Variants in FRMD4A observed in about 807,000 individuals in gnomAD.
The protein encoded by FRMD4A is FERM domain-containing protein 4A.
Under a neutral mutation model 129.1 loss-of-function variants are expected in FRMD4A, and 29 were observed. The observed-to-expected ratio is 0.22, with a 90% CI of 0.17 to 0.31. FRMD4A has a LOEUF of 0.31. Among genes scored for constraint, FRMD4A ranks in the 10% least tolerant of loss-of-function variants. The pLI is 1.00. For synonymous variants in FRMD4A, 634 were observed against 571.6 expected, an observed-to-expected ratio of 1.11 and a Z score of -1.56; for missense variants, 1,272 against 1,375.8, an observed-to-expected ratio of 0.92 and a Z score of 1.19.
chr10:13,682,403 G>A (rs2134766066), intron 15 of FRMD4A, among the ~76,000 whole-genome samples: 1 of 152,088 alleles, frequency 6.6e-6, no homozygotes, highest in Admixed American at 6.5e-5. Flanking sequence ...GAAGGGTAAG[G>A]AAATGAGTTT....
intron 3 of FRMD4A, among the ~76,000 whole-genome samples, chr10:13,813,432 C>G (rs1027836735): frequency 6.6e-6 from 1 of 152,188 alleles, no homozygotes; most frequent in South Asian, 2.1e-4. Flanking sequence ...CAGAGCGAGA[C>G]TGTCTCAAAA....
chr10:14,166,003 T>C (rs1258702390), intron 2 of FRMD4A, among the ~76,000 whole-genome samples: 1 of 151,956 alleles, frequency 6.6e-6, no homozygotes, highest in Non-Finnish European at 1.5e-5. Flanking sequence ...CCCCTGAATC[T>C]GAAGTTAGAA....
At chr10:13,759,395 A>T (rs1416000331) in intron 8 of FRMD4A, among the ~76,000 whole-genome samples, 1 of 152,190 alleles carries the variant, frequency 6.6e-6, no homozygotes, top group Non-Finnish European at 1.5e-5. Flanking sequence ...CTGGCAATCC[A>T]TGTGGCCACA....
At chr10:13,801,061 A>T (rs1413685955) in intron 4 of FRMD4A, among the ~76,000 whole-genome samples, 1 of 152,218 alleles carries the variant, frequency 6.6e-6, no homozygotes. Flanking sequence ...ATCCTGGCCA[A>T]CATGCTGAAA....
chr10:13,972,161 A>G, intron 2 of FRMD4A: 1 of 1,049,534 alleles, frequency 9.5e-7, no homozygotes, highest in Non-Finnish European at 1.2e-6. Flanking sequence ...CAGATCAAAC[A>G]GAACTTAGGG....
At chr10:13,850,298 G>A (rs10796139) in intron 3 of FRMD4A, among the ~76,000 whole-genome samples, 74,365 of 151,656 alleles carry the variant, frequency 0.49, 18,249 homozygotes, top group East Asian at 0.61. Flanking sequence ...TTTTTTTCTA[G>A]CCCATAATAG....
chr10:13,815,888 C>A (rs1276734960), intron 3 of FRMD4A, among the ~76,000 whole-genome samples: 2 of 152,178 alleles, frequency 1.3e-5, no homozygotes, highest in Non-Finnish European at 2.9e-5. Flanking sequence ...TGGATACCAC[C>A]ATGGAAGCCT....
rs541584249 is a variant in FRMD4A at position 14,116,479 on chromosome 10, G to T, written c.45+213579C>A. Among the ~76,000 whole-genome samples, 119 of 152,206 alleles carry T rather than the reference G, an allele frequency of 7.8e-4. No homozygotes were observed. In the South Asian group the frequency reaches 9.3e-3, roughly 12 times the overall value. On this transcript the variant is annotated intron_variant, in intron 2 of 24. Coordinates refer to ENST00000357447, the MANE Select transcript of FRMD4A (RefSeq NM_018027.5). ...CTGAAAGCAGATACGGAGAGTTACC[G>T]CCAACCTTTGCTTGCCTTGGGGTCC...
chr10:14,148,650 C>A (rs1049842461), intron 2 of FRMD4A, among the ~76,000 whole-genome samples: 1 of 151,944 alleles, frequency 6.6e-6, no homozygotes, highest in African/African-American at 2.4e-5. Context: ...GTAATCCCAG[C>A]TACTCAGGAG....
At chr10:14,235,166 T>A (rs1267745391) in intron 2 of FRMD4A, among the ~76,000 whole-genome samples, 1 of 151,560 alleles carries the variant, frequency 6.6e-6, no homozygotes, top group Non-Finnish European at 1.5e-5. Context: ...TCTTTTTTTT[T>A]TGACACGGAG....
chr10:14,119,635 A>G (rs749617999), intron 2 of FRMD4A, among the ~76,000 whole-genome samples: 2 of 152,188 alleles, frequency 1.3e-5, no homozygotes, highest in Non-Finnish European at 2.9e-5. Context: ...CTGTAGCCCA[A>G]CAAATGAGAG....
intron 2 of FRMD4A, among the ~76,000 whole-genome samples, chr10:14,145,117 C>G (rs1323221691): frequency 1.3e-5 from 2 of 152,136 alleles, no homozygotes; most frequent in Non-Finnish European, 2.9e-5. Flanking sequence ...AATGGCAGAA[C>G]AAACACAGGC....
At chr10:13,972,587 T>C (rs1036106498) in intron 2 of FRMD4A, among the ~76,000 whole-genome samples, 5 of 152,186 alleles carry the variant, frequency 3.3e-5, no homozygotes, top group Admixed American at 1.3e-4. Flanking sequence ...ACCGTCTTGC[T>C]ATTTTAATGC....
chr10:13,778,049 C>CCT (rs1398548788), intron 6 of FRMD4A, among the ~76,000 whole-genome samples: 1 of 152,006 alleles, frequency 6.6e-6, no homozygotes, highest in Admixed American at 6.6e-5. Context: ...GATCCACCCG[C>CCT]CTCTGCCTCC....
intron 6 of FRMD4A, among the ~76,000 whole-genome samples, chr10:13,777,519 G>C (rs2092624421): frequency 1.3e-5 from 2 of 152,258 alleles, no homozygotes; most frequent in African/African-American, 4.8e-5. Flanking sequence ...AGAGAGGGCT[G>C]GGTTCTGGAG....
chr10:14,285,338 T>C (rs1437730669), intron 2 of FRMD4A, among the ~76,000 whole-genome samples: 1 of 152,214 alleles, frequency 6.6e-6, no homozygotes, highest in Non-Finnish European at 1.5e-5. Context: ...GGTATCAGCT[T>C]GTATTTCATA....
At chr10:13,811,136 G>GC (rs1554911856) in intron 3 of FRMD4A, among the ~76,000 whole-genome samples, 50 of 143,970 alleles carry the variant, frequency 3.5e-4, no homozygotes, top group East Asian at 6.1e-4. Context: ...TCCTAGAAGG[G>GC]TTTTTTTTTT....
At chr10:13,670,599 A>G (rs1436664632) in intron 16 of FRMD4A, 71 bp from the exon 17 acceptor site, 9 of 1,521,958 alleles carry the variant, frequency 5.9e-6, no homozygotes, top group Non-Finnish European at 7.2e-6. Flanking sequence ...TAGAACACAC[A>G]CACACGCACA....
chr10:14,157,770 A>G (rs1840675067), intron 2 of FRMD4A, among the ~76,000 whole-genome samples: 1 of 152,234 alleles, frequency 6.6e-6, no homozygotes, highest in Non-Finnish European at 1.5e-5. Context: ...ATCTGGCCAA[A>G]TTTACTACGA....
Sources: gnomAD v4.1 joint callset for allele counts (sites outside exome capture counted in the v4.1 genomes callset) on GRCh38, gnomAD v4.1.1 for gene constraint, MANE v1.5 for transcripts, NCBI Gene and HGNC (gene_info 2026-07-23, HGNC 2026-07-21) for gene names.